Variants in LRRIQ3 observed in about 807,000 individuals in gnomAD.
LRRIQ3 encodes leucine rich repeats and IQ motif containing 3.
A neutral mutation model predicts 59.3 loss-of-function variants in LRRIQ3; 75 were observed. The ratio of observed to expected loss-of-function variants is 1.26; its 90% CI spans 1.05 to 1.53. LRRIQ3 has a LOEUF of 1.53. LRRIQ3 is among the 40% of genes most tolerant of loss of function. The pLI is 0.00. For missense variants in LRRIQ3, 831 were observed against 710.0 expected (o/e 1.17, Z -1.94); for synonymous variants, 250 against 231.3 (o/e 1.08, Z -0.73).
intron 6 of LRRIQ3, among the ~76,000 whole-genome samples, chr1:74,066,764 C>A (rs772089390): frequency 6.6e-5 from 10 of 152,210 alleles, no homozygotes; most frequent in Non-Finnish European, 1.0e-4. Flanking sequence ...CCATGGCAGA[C>A]AAAACCTAAA....
At chr1:74,196,403 A>T (rs1405977748) in intron 1 of LRRIQ3, among the ~76,000 whole-genome samples, 1 of 152,176 alleles carries the variant, frequency 6.6e-6, no homozygotes, top group Non-Finnish European at 1.5e-5. Context: ...TTAGTTCCAC[A>T]GTTAAAATTA....
At chr1:74,117,206 T>C (rs543208222) in intron 4 of LRRIQ3, among the ~76,000 whole-genome samples, 1 of 152,230 alleles carries the variant, frequency 6.6e-6, no homozygotes, top group South Asian at 2.1e-4. Flanking sequence ...AGTAAAAATA[T>C]AGATAGATGG....
rs755506505 is a variant in LRRIQ3, at chr1:74,109,556, G to A, written c.708-3C>T. On this transcript the variant is annotated splice_region_variant and splice_polypyrimidine_tract_variant and intron_variant, in intron 4 of 7. Transcript: ENST00000354431. ...TTTTTTTGTGGAAAAACACAGGGCT[G>A]AATATAAGGGGAGGGGAAAACTATT... The A allele has an allele frequency of 3.0e-5, 47 of 1,543,702 alleles. No homozygotes were observed. Among genetic ancestry groups the A allele is most frequent in the Non-Finnish European group, 4.0e-5 (46 of 1,154,380 alleles).
In LRRIQ3 at chr1:74,143,461, C is replaced by T. The variant is rs982898728; in HGVS notation, c.707+12272G>A. Among the ~76,000 whole-genome samples, 83 of 151,798 alleles carry T rather than the reference C, an allele frequency of 5.5e-4. 1 individual carries two copies. Among genetic ancestry groups the T allele is most frequent in the Non-Finnish European group, 1.5e-4 (10 of 67,874 alleles). On this transcript the variant is annotated intron_variant, in intron 4 of 7. Transcript: ENST00000354431. ...GATGGTCAACAATCCCTACCATATG[C>T]AAAGCTAGACAATATTTTAAATCAT...
At chr1:74,168,575 A>G (rs1649137900) in intron 3 of LRRIQ3, among the ~76,000 whole-genome samples, 1 of 152,044 alleles carries the variant, frequency 6.6e-6, no homozygotes. Flanking sequence ...TAGACCATTT[A>G]CTGTAAATTT....
In LRRIQ3 at chr1:74,193,359, G is replaced by A. The variant is rs116139036; in HGVS notation, c.-1+4637C>T. ...ACCATTATCAGCAAACCTTTCCTTAGTTTGTATCAACTAAAGTACCAATTT... is the reference window on the plus strand; with the variant it reads ...ACCATTATCAGCAAACCTTTCCTTAATTTGTATCAACTAAAGTACCAATTT... On this transcript the variant is annotated intron_variant, in intron 1 of 7. Transcript: ENST00000354431. Among the ~76,000 whole-genome samples, 1,325 of 152,102 alleles carry A rather than the reference G, an allele frequency of 8.7e-3. 23 individuals carry two copies. Among genetic ancestry groups the A allele is most frequent in the African/African-American group, 0.03 (1,242 of 41,508 alleles).
intron 5 of LRRIQ3, among the ~76,000 whole-genome samples, chr1:74,089,365 A>G (rs1646369664): frequency 6.6e-6 from 1 of 152,130 alleles, no homozygotes; most frequent in Non-Finnish European, 1.5e-5. Flanking sequence ...ATGGATGTTT[A>G]GAGCAGCATA....
At chr1:74,145,102 T>C (rs1647482560) in intron 4 of LRRIQ3, among the ~76,000 whole-genome samples, 1 of 152,154 alleles carries the variant, frequency 6.6e-6, no homozygotes, top group Non-Finnish European at 1.5e-5. Flanking sequence ...GTACCTCTAC[T>C]AATGTTGTTA....
At chr1:74,055,936 T>C (rs978792259) in intron 6 of LRRIQ3, among the ~76,000 whole-genome samples, 1 of 151,894 alleles carries the variant, frequency 6.6e-6, no homozygotes, top group Non-Finnish European at 1.5e-5. Flanking sequence ...CGAGGTCAGG[T>C]GATCAAGATC....
intron 5 of LRRIQ3, among the ~76,000 whole-genome samples, chr1:74,097,486 A>G (rs1646465209): frequency 6.6e-6 from 1 of 152,162 alleles, no homozygotes. Context: ...ACTCTGCAGG[A>G]TATTATCCAG....
At chr1:74,041,163 T>G (rs766250795) in intron 7 of LRRIQ3, 50 bp downstream of exon 7, 22 of 1,390,468 alleles carry the variant, frequency 1.6e-5, no homozygotes, top group African/African-American at 5.8e-5. Context: ...GCATGCAATA[T>G]TCACATGTAA....
intron 5 of LRRIQ3, among the ~76,000 whole-genome samples, chr1:74,090,519 G>A (rs1292722746): frequency 6.6e-6 from 1 of 151,990 alleles, no homozygotes; most frequent in African/African-American, 2.4e-5. Flanking sequence ...AAAATTTGGA[G>A]AGTAGAGACA....
chr1:74,049,915 T>G (rs1179511304), intron 6 of LRRIQ3, among the ~76,000 whole-genome samples: 1 of 37,436 alleles, frequency 2.7e-5, no homozygotes. Context: ...CACCTTTGTG[T>G]CTTTTTTTTC....
intron 4 of LRRIQ3, among the ~76,000 whole-genome samples, chr1:74,131,906 G>T (rs1427384217): frequency 6.6e-6 from 1 of 152,080 alleles, no homozygotes; most frequent in Non-Finnish European, 1.5e-5. Flanking sequence ...GAAATAAAGG[G>T]TATTCAATTA....
At chr1:74,098,470 C>T (rs1473098402) in intron 5 of LRRIQ3, among the ~76,000 whole-genome samples, 2 of 152,022 alleles carry the variant, frequency 1.3e-5, no homozygotes, top group Non-Finnish European at 2.9e-5. Flanking sequence ...CTTTAACTCC[C>T]CACTGTCAAC....
chr1:74,185,318 A>G (rs1490118781), intron 1 of LRRIQ3, among the ~76,000 whole-genome samples: 1 of 152,160 alleles, frequency 6.6e-6, no homozygotes, highest in Non-Finnish European at 1.5e-5. Flanking sequence ...AATGTTGTCA[A>G]TGTTTTGATT....
chr1:74,132,034 G>A (rs764750087), intron 4 of LRRIQ3, among the ~76,000 whole-genome samples: 1 of 152,096 alleles, frequency 6.6e-6, no homozygotes. Context: ...CAAAGTCTCA[G>A]GATACAAAAT....
At chr1:74,114,920 T>C (rs1391779200) in intron 4 of LRRIQ3, among the ~76,000 whole-genome samples, 1 of 151,968 alleles carries the variant, frequency 6.6e-6, no homozygotes, top group Non-Finnish European at 1.5e-5. Context: ...TTAAAATAAA[T>C]TCCCCTTTTA....
chr1:74,180,170 C>T (rs956846817), intron 3 of LRRIQ3: 5 of 151,912 alleles, frequency 3.3e-5, no homozygotes, highest in African/African-American at 1.2e-4. Context: ...ATCCTCTTTA[C>T]CATAAAAAAT....
Sources: allele counts gnomAD v4.1 joint callset (sites outside exome capture counted in the v4.1 genomes callset), GRCh38; gene constraint gnomAD v4.1.1; transcripts MANE v1.5; gene names NCBI Gene and HGNC (gene_info 2026-07-23, HGNC 2026-07-21).